The following RFX8 variants were observed in gnomAD, a reference collection of about 807,000 sequenced individuals.
RFX8 encodes regulatory factor X8, also known as DNA-binding protein RFX8.
In RFX8, 46 loss-of-function variants were observed where a neutral mutation model predicts 54.6. That is an observed-to-expected ratio of 0.84 (90% CI 0.67 to 1.08). The LOEUF (loss-of-function observed/expected upper bound fraction) is 1.08. RFX8 is among the 50% of genes least tolerant of loss of function. The pLI, the probability that RFX8 is intolerant of heterozygous loss-of-function variation, is 0.00. For missense variants in RFX8, 536 were observed against 562.3 expected, an observed-to-expected ratio of 0.95 and a Z score of 0.47; for synonymous variants, 192 against 209.5, an observed-to-expected ratio of 0.92 and a Z score of 0.72.
chr2:101,435,456 T>C (rs1687727314), intron 2 of RFX8, among the ~76,000 whole-genome samples: 1 of 152,120 alleles, frequency 6.6e-6, no homozygotes, highest in Non-Finnish European at 1.5e-5. Flanking sequence ...AAATTTATCC[T>C]TGAAACAAAA....
At chr2:101,444,713 C>T (rs1262574501) in intron 2 of RFX8, among the ~76,000 whole-genome samples, 1 of 152,140 alleles carries the variant, frequency 6.6e-6, no homozygotes, top group African/African-American at 2.4e-5. Flanking sequence ...CTGAAAAATA[C>T]AATAACTAGA....
chr2:101,429,062 C>T (rs1336380764), intron 2 of RFX8: 1 of 1,243,394 alleles, frequency 8.0e-7, no homozygotes, highest in Non-Finnish European at 1.1e-6. Flanking sequence ...TAGCAAGACA[C>T]CTGTCTCTGA....
At chr2:101,445,463 G>C (rs1430315393) in intron 2 of RFX8, among the ~76,000 whole-genome samples, 2 of 151,850 alleles carry the variant, frequency 1.3e-5, no homozygotes, top group East Asian at 3.9e-4. Flanking sequence ...CGTGATCATA[G>C]CTCACTGCAG....
chr2:101,460,153 G>A (rs917949988), intron 2 of RFX8, among the ~76,000 whole-genome samples: 1 of 151,918 alleles, frequency 6.6e-6, no homozygotes, highest in African/African-American at 2.4e-5. Flanking sequence ...GTCTGTCATG[G>A]CTTCCCTTGG....
At position 101,410,429 on chromosome 2, in the gene RFX8, T is replaced by G. The variant is rs79979492; in HGVS notation, c.813+190A>C. Among the ~76,000 whole-genome samples the G allele has an allele frequency of 5.7e-3, 837 of 147,686 alleles. 9 individuals are homozygous for G. Among genetic ancestry groups the G allele is most frequent in the African/African-American group, 0.02 (803 of 40,164 alleles). ...CACACACACACACACTTATGTGATG[T>G]GCTCCACCAGACCCCCATTCTCCAC... On this transcript the variant is annotated intron_variant, in intron 9 of 11. Coordinates refer to ENST00000428343, the MANE Select transcript of RFX8 (RefSeq NM_001145664.2).
At chr2:101,412,813 A>G (rs1468035626) in intron 8 of RFX8, 102 bp downstream of exon 8, 1 of 1,136,054 alleles carries the variant, frequency 8.8e-7, no homozygotes, top group Non-Finnish European at 1.2e-6. Context: ...CGGAGTTATA[A>G]AGTTCTACCC....
At chr2:101,410,302 A>C (rs1456185911) in intron 9 of RFX8, among the ~76,000 whole-genome samples, 1 of 151,722 alleles carries the variant, frequency 6.6e-6, no homozygotes, top group Non-Finnish European at 1.5e-5. Flanking sequence ...ACTCACATAC[A>C]CACATGCTCA....
chr2:101,425,644 G>T (rs1280681627), intron 2 of RFX8, among the ~76,000 whole-genome samples: 1 of 151,844 alleles, frequency 6.6e-6, no homozygotes, highest in Non-Finnish European at 1.5e-5. Context: ...GTCAATCCCT[G>T]AGGTCTCTTC....
intron 2 of RFX8, chr2:101,452,427 G>A (rs769188809): frequency 1.4e-5 from 19 of 1,358,866 alleles, no homozygotes; most frequent in African/African-American, 7.6e-5. Flanking sequence ...GCCAAGGTCC[G>A]GAAAAACCAA....
intron 10 of RFX8, among the ~76,000 whole-genome samples, chr2:101,405,147 C>CA: frequency 6.9e-6 from 1 of 144,392 alleles, no homozygotes; most frequent in South Asian, 2.2e-4. Context: ...TCCTATAATC[C>CA]TTTTTTTTTT....
At chr2:101,444,607 C>A (rs1174664012) in intron 2 of RFX8, among the ~76,000 whole-genome samples, 1 of 152,122 alleles carries the variant, frequency 6.6e-6, no homozygotes, top group South Asian at 2.1e-4. Context: ...AATGCTCCAA[C>A]AAATAATTGT....
intron 2 of RFX8, among the ~76,000 whole-genome samples, chr2:101,458,080 C>T (rs189290656): frequency 6.6e-6 from 1 of 152,142 alleles, no homozygotes; most frequent in African/African-American, 2.4e-5. Context: ...TTCCTCCATC[C>T]CCTTATTTTG....
chr2:101,417,415 G>A (rs1192977188), intron 6 of RFX8, 119 bp downstream of exon 6: 18 of 862,074 alleles, frequency 2.1e-5, no homozygotes, highest in Middle Eastern at 6.9e-4. Flanking sequence ...TATGTTGCCC[G>A]GGCTGGTCTC....
intron 4 of RFX8, chr2:101,421,521 A>G (rs2104582627): frequency 7.8e-7 from 1 of 1,277,404 alleles, no homozygotes; most frequent in Non-Finnish European, 9.9e-7. Context: ...AGAATTTCCA[A>G]CTGATTACAC....
rs1040971386 is a variant in RFX8 at position 101,466,043 on chromosome 2, G to A, written c.72+734C>T. Among the ~76,000 whole-genome samples the A allele has an allele frequency of 6.6e-5, 10 of 152,288 alleles. No individual in the cohort carries two copies. In the South Asian group the frequency reaches 1.7e-3, roughly 25 times the overall value. ...ACAAATGAACAGAAGTTTCAAAGAC[G>A]AAGACTGTGTTTGGAAGAACGGATC... On this transcript the variant is annotated intron_variant, in intron 2 of 11. Coordinates refer to ENST00000428343, the MANE Select transcript of RFX8 (RefSeq NM_001145664.2).
At chr2:101,448,367 C>A (rs746210194) in intron 2 of RFX8, among the ~76,000 whole-genome samples, 20 of 152,174 alleles carry the variant, frequency 1.3e-4, no homozygotes, top group Non-Finnish European at 2.6e-4. Flanking sequence ...CATGCCTGTA[C>A]AGGACGAAGC....
At chr2:101,456,847 CT>C (rs1688996685) in intron 2 of RFX8, among the ~76,000 whole-genome samples, 1 of 151,996 alleles carries the variant, frequency 6.6e-6, no homozygotes, top group African/African-American at 2.4e-5. Flanking sequence ...TGGTTCTGGA[CT>C]TTTTTTGGTT....
intron 11 of RFX8, among the ~76,000 whole-genome samples, chr2:101,398,451 G>T (rs1183887365): frequency 6.6e-6 from 1 of 152,088 alleles, no homozygotes; most frequent in Non-Finnish European, 1.5e-5. Flanking sequence ...CTCCAGACGG[G>T]TACTAATCCC....
At chr2:101,459,881 T>A (rs534414006) in intron 2 of RFX8, among the ~76,000 whole-genome samples, 1 of 152,308 alleles carries the variant, frequency 6.6e-6, no homozygotes, top group African/African-American at 2.4e-5. Context: ...TGCACTGCAG[T>A]GGGCTGCATC....
Sources: allele counts gnomAD v4.1 joint callset (sites outside exome capture counted in the v4.1 genomes callset), GRCh38; gene constraint gnomAD v4.1.1; transcripts MANE v1.5; gene names NCBI Gene and HGNC (gene_info 2026-07-23, HGNC 2026-07-21).